The following ASTN1 variants were observed in gnomAD, a reference collection of about 807,000 sequenced individuals.
ASTN1 encodes astrotactin 1.
A neutral mutation model predicts 140.7 loss-of-function variants in ASTN1; 41 were observed. The ratio of observed to expected loss-of-function variants is 0.29; its 90% CI spans 0.23 to 0.38. The LOEUF (loss-of-function observed/expected upper bound fraction) is 0.38. Ranked by LOEUF, ASTN1 falls within the 10% of genes least tolerant of loss-of-function variation. ASTN1 has a pLI of 1.00. For synonymous variants in ASTN1, 640 were observed against 652.2 expected, an observed-to-expected ratio of 0.98 and a Z score of 0.29; for missense variants, 1,479 against 1,678.8, an observed-to-expected ratio of 0.88 and a Z score of 2.08.
At chr1:176,975,534 A>G (rs956859155) in intron 8 of ASTN1, among the ~76,000 whole-genome samples, 2 of 152,248 alleles carry the variant, frequency 1.3e-5, no homozygotes, top group East Asian at 3.9e-4. Context: ...GCCTCCGGGT[A>G]TAAAGTAGTG....
intron 16 of ASTN1, among the ~76,000 whole-genome samples, chr1:176,903,161 G>T (rs1454230560): frequency 6.6e-6 from 1 of 152,184 alleles, no homozygotes; most frequent in Non-Finnish European, 1.5e-5. Flanking sequence ...GGAATGTAAG[G>T]CACCTCCATG....
At chr1:176,933,725 G>A (rs562218100) in intron 16 of ASTN1, among the ~76,000 whole-genome samples, 40 of 152,238 alleles carry the variant, frequency 2.6e-4, no homozygotes, top group African/African-American at 9.6e-4. Flanking sequence ...AAGCAAGAAG[G>A]GGTTTACTAT....
At chr1:176,900,663 C>T (rs1332617327) in intron 16 of ASTN1, among the ~76,000 whole-genome samples, 2 of 152,168 alleles carry the variant, frequency 1.3e-5, no homozygotes, top group African/African-American at 4.8e-5. Flanking sequence ...CTTAATCTTC[C>T]TGTGTTTGAA....
chr1:176,955,770 G>C lies in ASTN1; in HGVS notation c.1887+1908C>G, dbSNP rs138847419. 2.5e-3 allele frequency among the ~76,000 whole-genome samples: 383 copies of C among 152,324 alleles called. 1 individual carries two copies. The highest frequency in any genetic ancestry group is 4.7e-3 in the Non-Finnish European group (322 of 68,028). On this transcript the variant is annotated intron_variant, in intron 11 of 22. Transcript: ENST00000361833. Reference sequence around the variant, plus strand: ...GGCAGACCCTGAGGGGCTCAGGAAGGGACACAGAAGTGGCAAAAGAGGGAG... The same window carrying C: ...GGCAGACCCTGAGGGGCTCAGGAAGCGACACAGAAGTGGCAAAAGAGGGAG...
chr1:176,904,377 T>C (rs1219078708), intron 16 of ASTN1, among the ~76,000 whole-genome samples: 1 of 152,068 alleles, frequency 6.6e-6, no homozygotes, highest in Non-Finnish European at 1.5e-5. Flanking sequence ...AAAATAAACC[T>C]GACATAGAGA....
At chr1:176,938,263 A>G (rs892711581) in intron 14 of ASTN1, among the ~76,000 whole-genome samples, 2 of 152,226 alleles carry the variant, frequency 1.3e-5, no homozygotes, top group African/African-American at 2.4e-5. Context: ...CATGCTTTAA[A>G]GGTATATTTT....
chr1:176,932,642 T>C (rs1359971153), intron 16 of ASTN1, among the ~76,000 whole-genome samples: 1 of 152,260 alleles, frequency 6.6e-6, no homozygotes, highest in Non-Finnish European at 1.5e-5. Flanking sequence ...ACTTAGACTG[T>C]GGCAAAACTA....
chr1:176,986,024 G>A lies in ASTN1; in HGVS notation c.1524-20787C>T, dbSNP rs533053351. 1.7e-4 allele frequency among the ~76,000 whole-genome samples: 26 copies of A among 152,234 alleles called. No individual in the cohort carries two copies. The East Asian group carries it at 4.8e-3, about 28-fold the overall frequency. ...GGATGACAGGCTTCCAGAGGGCGCA[G>A]CTGAGAACTGCCTCCTGCGCCCGCC... On this transcript the variant is annotated intron_variant, in intron 8 of 22. Transcript: ENST00000361833.
At chr1:177,105,829 A>C (rs539666069) in intron 1 of ASTN1, among the ~76,000 whole-genome samples, 1 of 152,142 alleles carries the variant, frequency 6.6e-6, no homozygotes, top group Non-Finnish European at 1.5e-5. Flanking sequence ...TTTCACTGTA[A>C]AAAAGAACAC....
rs535630953 is a variant in ASTN1 at position 177,055,679 on chromosome 1, T to G, written c.471+5399A>C. On this transcript the variant is annotated intron_variant, in intron 2 of 22. Coordinates refer to ENST00000361833, the MANE Select transcript of ASTN1 (RefSeq NM_004319.3). ...TGTCTTTTTGTACTTTCCGACTTAT[T>G]ACTCTATCTCTGTCCTTTCTGGTAA... Among the ~76,000 whole-genome samples, 5 of 152,328 alleles carry G rather than the reference T, an allele frequency of 3.3e-5. No homozygotes were observed. In the South Asian group the frequency reaches 1.0e-3, roughly 32 times the overall value.
intron 8 of ASTN1, among the ~76,000 whole-genome samples, chr1:176,994,464 C>T (rs866645817): frequency 6.6e-6 from 1 of 152,238 alleles, no homozygotes; most frequent in South Asian, 2.1e-4. Context: ...CTGCCTCAAC[C>T]TCCCAAGTAG....
rs773781847 is a variant in ASTN1 at position 177,164,365 on chromosome 1, C to T, written c.283+29G>A. The T allele has an allele frequency of 2.0e-5, 31 of 1,537,024 alleles. No individual in the cohort carries two copies. The South Asian group carries it at 3.5e-4, about 17-fold the overall frequency. On this transcript the variant is annotated intron_variant, in intron 1 of 22. Transcript: ENST00000361833. ...GGTGGGGGCGCCGGTCCAGCGCCTCCGGCCGCCTCGACCTCCCCCGGGACT... is the reference window on the plus strand; with the variant it reads ...GGTGGGGGCGCCGGTCCAGCGCCTCTGGCCGCCTCGACCTCCCCCGGGACT...
intron 2 of ASTN1, among the ~76,000 whole-genome samples, chr1:177,059,498 A>G (rs1677975450): frequency 6.6e-6 from 1 of 152,206 alleles, no homozygotes; most frequent in Admixed American, 6.5e-5. Flanking sequence ...AGTATTAGCA[A>G]CCTCATTTAC....
chr1:176,869,105 C>T, intron 21 of ASTN1, 78 bp from the exon 22 acceptor site: 1 of 980,724 alleles, frequency 1.0e-6, no homozygotes, highest in Non-Finnish European at 1.4e-6. Context: ...TATATATGAT[C>T]TATATCATAT....
At chr1:177,097,898 C>T (rs543677406) in intron 1 of ASTN1, among the ~76,000 whole-genome samples, 12 of 152,298 alleles carry the variant, frequency 7.9e-5, no homozygotes, top group African/African-American at 2.9e-4. Flanking sequence ...TTGGCAAACA[C>T]ATTCAGGTGC....
At chr1:177,151,300 A>T (rs1178948100) in intron 1 of ASTN1, among the ~76,000 whole-genome samples, 1 of 152,104 alleles carries the variant, frequency 6.6e-6, no homozygotes, top group Non-Finnish European at 1.5e-5. Flanking sequence ...ATTTAAGTTG[A>T]GCACATGACT....
chr1:177,144,468 G>A (rs937083575), intron 1 of ASTN1, among the ~76,000 whole-genome samples: 14 of 150,256 alleles, frequency 9.3e-5, no homozygotes, highest in Admixed American at 2.0e-4. Flanking sequence ...TAGCCAGGAT[G>A]GTCTTGATCT....
intron 16 of ASTN1, among the ~76,000 whole-genome samples, chr1:176,904,948 G>A (rs1669921671): frequency 6.6e-6 from 1 of 152,108 alleles, no homozygotes; most frequent in Non-Finnish European, 1.5e-5. Context: ...TCTCCAATAG[G>A]GAGTGCACAT....
intron 8 of ASTN1, among the ~76,000 whole-genome samples, chr1:176,980,377 G>A (rs1673557907): frequency 6.6e-6 from 1 of 152,092 alleles, no homozygotes; most frequent in Non-Finnish European, 1.5e-5. Flanking sequence ...CAGGTTTTTG[G>A]CACATGACAA....
Sources: allele counts gnomAD v4.1 joint callset (sites outside exome capture counted in the v4.1 genomes callset), GRCh38; gene constraint gnomAD v4.1.1; transcripts MANE v1.5; gene names NCBI Gene and HGNC (gene_info 2026-07-23, HGNC 2026-07-21).